Variants in INO80D observed in about 807,000 individuals in gnomAD.
The protein encoded by INO80D is INO80 complex subunit D.
In INO80D, 21 loss-of-function variants were observed where a neutral mutation model predicts 87.6. That is an observed-to-expected ratio of 0.24 (90% CI 0.17 to 0.35). The LOEUF is 0.35. Ranked by LOEUF, INO80D falls within the 10% of genes least tolerant of loss-of-function variation. The pLI, the probability that INO80D is intolerant of heterozygous loss-of-function variation, is 1.00. For synonymous variants in INO80D, 440 were observed against 491.0 expected (o/e 0.90, Z 1.37); for missense variants, 982 against 1,280.7 (o/e 0.77, Z 3.56).
At chr2:206,053,781 C>T (rs980165084) in intron 4 of INO80D, among the ~76,000 whole-genome samples, 1 of 151,848 alleles carries the variant, frequency 6.6e-6, no homozygotes, top group Non-Finnish European at 1.5e-5. Flanking sequence ...ATAATTACCT[C>T]TTGATTTCTT....
chr2:206,079,342 G>A (rs1400300399), intron 1 of INO80D, among the ~76,000 whole-genome samples: 1 of 152,132 alleles, frequency 6.6e-6, no homozygotes, highest in East Asian at 1.9e-4. Context: ...CAGAGTGCTG[G>A]GACTACAGTT....
chr2:206,084,676 C>G (rs1173828148), intron 1 of INO80D: 2 of 152,444 alleles, frequency 1.3e-5, no homozygotes, highest in Non-Finnish European at 2.9e-5. Context: ...CCTCGCTGCT[C>G]CCTACATCTT....
intron 3 of INO80D, among the ~76,000 whole-genome samples, chr2:206,057,460 A>C (rs1291247734): frequency 6.6e-6 from 1 of 152,176 alleles, no homozygotes; most frequent in African/African-American, 2.4e-5. Flanking sequence ...TGAAATAAGA[A>C]AGTAAAAGAT....
chr2:206,074,115 AGAC>A lies in INO80D; in HGVS notation c.-123-10874_-123-10872del, dbSNP rs141231984. On this transcript the variant is annotated intron_variant, in intron 1 of 10. Transcript: ENST00000403263. Reference sequence around the variant, plus strand: ...TAGCAAATACCATCTTCAGCTGTGGAGACAACTTGCTTAGCATATAAACAGACC... The same window carrying A: ...TAGCAAATACCATCTTCAGCTGTGGAAACTTGCTTAGCATATAAACAGACC... Among the ~76,000 whole-genome samples, 953 of 152,346 alleles carry A rather than the reference AGAC, an allele frequency of 6.3e-3. 1 individual carries two copies. Among genetic ancestry groups the A allele is most frequent in the South Asian group, 0.011 (54 of 4,830 alleles).
rs552909964 is a variant in INO80D, at chr2:205,995,665, T to C, written c.*8703A>G. On this transcript the variant is annotated 3_prime_UTR_variant, in exon 11 of 11. Transcript: ENST00000403263. ...GTGTGAGTACATACGAAAGCATATG[T>C]ACACATGCTCTGACATGTATATATA... 32 of 152,290 alleles carry C rather than the reference T, an allele frequency of 2.1e-4. No individual in the cohort carries two copies. Among genetic ancestry groups the C allele is most frequent in the African/African-American group, 7.2e-4 (30 of 41,564 alleles). The allele number at this position is 152,290 out of a possible 1,614,324, so 9.4% of individuals were successfully genotyped here.
chr2:206,001,135 T>G lies in INO80D; in HGVS notation c.*3233A>C, dbSNP rs555597706. 2 of 152,350 alleles carry G rather than the reference T, an allele frequency of 1.3e-5. No homozygotes were observed. The highest frequency in any genetic ancestry group is 4.8e-5 in the African/African-American group (2 of 41,574). 9.4% of individuals were successfully genotyped at this position (152,350 alleles called of 1,614,324 possible). Reference sequence around the variant, plus strand: ...TAACCTACCCAGATGTGCAAATTGCTAAGCCATTTTTACAGAAGAAAAAAC... The same window carrying G: ...TAACCTACCCAGATGTGCAAATTGCGAAGCCATTTTTACAGAAGAAAAAAC... On this transcript the variant is annotated 3_prime_UTR_variant, in exon 11 of 11. Coordinates refer to ENST00000403263, the MANE Select transcript of INO80D (RefSeq NM_017759.5).
chr2:206,080,640 G>A (rs1359957085), intron 1 of INO80D, among the ~76,000 whole-genome samples: 1 of 151,974 alleles, frequency 6.6e-6, no homozygotes, highest in African/African-American at 2.4e-5. Flanking sequence ...GGGCGCGGTG[G>A]CTCACGCCTG....
intron 1 of INO80D, among the ~76,000 whole-genome samples, chr2:206,073,348 C>A (rs189890697): frequency 2.0e-5 from 3 of 152,200 alleles, no homozygotes; most frequent in Non-Finnish European, 2.9e-5. Flanking sequence ...GTTTTTTACC[C>A]TGATTTTACT....
At chr2:206,022,980 C>T (rs1207616450) in intron 6 of INO80D, among the ~76,000 whole-genome samples, 1 of 152,088 alleles carries the variant, frequency 6.6e-6, no homozygotes, top group Non-Finnish European at 1.5e-5. Flanking sequence ...AGGCAGAGTA[C>T]CTGAGGTCAG....
intron 1 of INO80D, among the ~76,000 whole-genome samples, chr2:206,073,101 T>C (rs1171863010): frequency 6.6e-6 from 1 of 152,182 alleles, no homozygotes; most frequent in Admixed American, 6.5e-5. Flanking sequence ...CCTCCCAAAG[T>C]GCTGGGATTA....
chr2:206,073,661 A>G (rs2105904183), intron 1 of INO80D, among the ~76,000 whole-genome samples: 1 of 152,098 alleles, frequency 6.6e-6, no homozygotes, highest in East Asian at 1.9e-4. Context: ...CCACAAGCAC[A>G]TGCCACCACG....
At chr2:206,070,838 T>A (rs1292156193) in intron 1 of INO80D, among the ~76,000 whole-genome samples, 2 of 152,162 alleles carry the variant, frequency 1.3e-5, no homozygotes, top group African/African-American at 2.4e-5. Context: ...GTATATATTG[T>A]TTCATGCTGA....
intron 6 of INO80D, chr2:206,025,833 C>G (rs1415659605): frequency 2.6e-5 from 4 of 152,010 alleles, no homozygotes; most frequent in Admixed American, 6.6e-5. Context: ...CAGACTGAGA[C>G]CTTGTCTGAA....
rs1265009060 is a variant in INO80D, at chr2:206,005,436, C to T, written c.2016G>A (p.Gly672=). 8 of 1,613,926 alleles carry T rather than the reference C, an allele frequency of 5.0e-6. No individual in the cohort carries two copies. Among genetic ancestry groups the T allele is most frequent in the East Asian group, 2.2e-5 (1 of 44,880 alleles). Residue 672 remains glycine, a synonymous_variant, in exon 11 of 11, where the codon GGG becomes GGA. Transcript: ENST00000403263. Reference sequence around the variant, plus strand: ...GCACACCATCTGACTGGGCAAGGACCCCAATGGTACTCAGGCACTCGAGAG... The same window carrying T: ...GCACACCATCTGACTGGGCAAGGACTCCAATGGTACTCAGGCACTCGAGAG... ...VTSLECLSTI[G]VLAQSDGVPV... is the part of the protein sequence containing the mutation.
At chr2:206,006,438 G>A (rs868795704) in intron 10 of INO80D, among the ~76,000 whole-genome samples, 2 of 151,754 alleles carry the variant, frequency 1.3e-5, no homozygotes, top group African/African-American at 2.4e-5. Context: ...ATCCCAGCAC[G>A]TTGGGAGGCC....
chr2:206,050,577 A>C (rs1171691200), intron 4 of INO80D, among the ~76,000 whole-genome samples: 12 of 149,576 alleles, frequency 8.0e-5, no homozygotes, highest in Non-Finnish European at 5.9e-5. Context: ...TTCAAAAGCT[A>C]AAAAATTATC....
At position 206,085,293 on chromosome 2, in the gene INO80D, G is replaced by A. The variant is rs1405405160; in HGVS notation, c.-124+608C>T. Among the ~76,000 whole-genome samples, 1 of 151,492 alleles carries A rather than the reference G, an allele frequency of 6.6e-6. No homozygotes were observed. The highest frequency in any genetic ancestry group is 2.0e-4 in the East Asian group (1 of 5,086). Reference sequence around the variant, plus strand: ...GCCTGGCCGTCCGGAGCGCGGAGGAGGGGGATAAATAAATTCAACTCTTAC... The same window carrying A: ...GCCTGGCCGTCCGGAGCGCGGAGGAAGGGGATAAATAAATTCAACTCTTAC... On this transcript the variant is annotated intron_variant, in intron 1 of 10. Transcript: ENST00000403263. The surrounding 1 kb of genome is among the most constrained non-coding windows in gnomAD (Gnocchi z 4.5).
rs1687871300 is a variant in INO80D, at chr2:205,999,676, TC to T, written c.*4691del. On this transcript the variant is annotated 3_prime_UTR_variant, in exon 11 of 11. Coordinates refer to ENST00000403263, the MANE Select transcript of INO80D (RefSeq NM_017759.5). ...TGTTTATTAGAAGAGACATAACTAT[TC>T]ATTTATGTTTTATGTTTTCTTTCCT... The T allele has an allele frequency of 2.0e-5, 3 of 152,180 alleles. No homozygotes were observed. Among genetic ancestry groups the T allele is most frequent in the African/African-American group, 7.2e-5 (3 of 41,438 alleles). The allele number at this position is 152,180 out of a possible 1,614,324, so 9.4% of individuals were successfully genotyped here.
chr2:206,014,477 G>C (rs1176357477), intron 8 of INO80D, among the ~76,000 whole-genome samples: 2 of 152,064 alleles, frequency 1.3e-5, no homozygotes, highest in African/African-American at 4.8e-5. Flanking sequence ...ATAGTGAATG[G>C]GTCTCACAGA....
Sources: gnomAD v4.1 joint callset for allele counts (sites outside exome capture counted in the v4.1 genomes callset) on GRCh38, gnomAD v4.1.1 for gene constraint, Gnocchi (gnomAD v3.1) non-coding constraint, MANE v1.5 for transcripts, NCBI Gene and HGNC (gene_info 2026-07-23, HGNC 2026-07-21) for gene names.